Variants in PTPRT observed in about 807,000 individuals in gnomAD.
PTPRT encodes the protein protein tyrosine phosphatase receptor type T, also known as receptor-type tyrosine-protein phosphatase T.
Under a neutral mutation model 176.8 loss-of-function variants are expected in PTPRT, and 56 were observed. That is an observed-to-expected ratio of 0.32 (90% CI 0.26 to 0.40). The LOEUF (loss-of-function observed/expected upper bound fraction) is 0.40. PTPRT is among the 10% of genes least tolerant of loss of function. The probability of loss-of-function intolerance (pLI) is 1.00; values close to 1 mark genes in which losing one functional copy is unlikely to be tolerated. For synonymous variants in PTPRT, 783 were observed against 739.0 expected (o/e 1.06, Z -0.96); for missense variants, 1,540 against 1,908.2 (o/e 0.81, Z 3.60).
intron 5 of PTPRT, among the ~76,000 whole-genome samples, chr20:42,762,248 A>T (rs1156618847): frequency 6.6e-6 from 1 of 152,152 alleles, no homozygotes; most frequent in Non-Finnish European, 1.5e-5. Context: ...ACTCTTTCAG[A>T]CTAGAACAGT....
intron 2 of PTPRT, among the ~76,000 whole-genome samples, chr20:42,816,698 G>A (rs1016077276): frequency 5.3e-5 from 8 of 152,208 alleles, no homozygotes; most frequent in Non-Finnish European, 7.4e-5. Context: ...CTTCCCCCTC[G>A]CCTTCTGCCA....
intron 2 of PTPRT, among the ~76,000 whole-genome samples, chr20:42,879,760 CGTGT>C (rs1320637989): frequency 1.3e-5 from 2 of 149,702 alleles, no homozygotes; most frequent in Admixed American, 1.3e-4. Context: ...TGTGTGTGCG[CGTGT>C]GTGTGTGTGC....
At chr20:42,655,521 ATATT>A (rs1249239381) in intron 7 of PTPRT, among the ~76,000 whole-genome samples, 2 of 152,188 alleles carry the variant, frequency 1.3e-5, no homozygotes, top group African/African-American at 4.8e-5. Context: ...ACCAGATCTC[ATATT>A]TATACCTTGG....
At chr20:42,338,964 A>G (rs2058076526) in intron 11 of PTPRT, among the ~76,000 whole-genome samples, 1 of 152,204 alleles carries the variant, frequency 6.6e-6, no homozygotes, top group African/African-American at 2.4e-5. Flanking sequence ...AACATAATCA[A>G]AACTGGCCCG....
At chr20:42,898,812 G>A (rs2079348839) in intron 1 of PTPRT, among the ~76,000 whole-genome samples, 1 of 152,098 alleles carries the variant, frequency 6.6e-6, no homozygotes, top group Non-Finnish European at 1.5e-5. Flanking sequence ...TGCGATGAAA[G>A]AAGGAGGCCC....
chr20:43,052,786 T>C (rs1248577101), intron 1 of PTPRT, among the ~76,000 whole-genome samples: 1 of 152,196 alleles, frequency 6.6e-6, no homozygotes, highest in Non-Finnish European at 1.5e-5. Context: ...TTACTAAGCA[T>C]CCTTCAATCT....
intron 7 of PTPRT, among the ~76,000 whole-genome samples, chr20:42,540,015 T>C (rs564350802): frequency 1.3e-5 from 2 of 152,244 alleles, no homozygotes; most frequent in South Asian, 4.1e-4. Context: ...ATTCCCTAGA[T>C]GTGAAGAATG....
intron 2 of PTPRT, among the ~76,000 whole-genome samples, chr20:42,844,622 C>T (rs1044516137): frequency 1.3e-5 from 2 of 152,142 alleles, no homozygotes; most frequent in Admixed American, 1.3e-4. Flanking sequence ...GACCACTCCC[C>T]ATGACTTCCC....
chr20:42,391,077 G>T (rs770797302), intron 9 of PTPRT, among the ~76,000 whole-genome samples: 1 of 152,164 alleles, frequency 6.6e-6, no homozygotes, highest in Non-Finnish European at 1.5e-5. Context: ...TATGTAGTGG[G>T]GTGAGTTATT....
chr20:43,007,850 G>T (rs1984931010), intron 1 of PTPRT, among the ~76,000 whole-genome samples: 1 of 152,226 alleles, frequency 6.6e-6, no homozygotes, highest in Non-Finnish European at 1.5e-5. Context: ...TACCAGCTCT[G>T]TGACCTTGGC....
intron 7 of PTPRT, among the ~76,000 whole-genome samples, chr20:42,514,411 T>C (rs1179882931): frequency 6.6e-6 from 1 of 151,912 alleles, no homozygotes; most frequent in Non-Finnish European, 1.5e-5. Context: ...CTTTATAAAA[T>C]GCATTTTCTT....
At chr20:42,966,267 T>C (rs760474104) in intron 1 of PTPRT, 3 of 152,254 alleles carry the variant, frequency 2.0e-5, no homozygotes, top group Non-Finnish European at 2.9e-5. Flanking sequence ...CACTGGGTAT[T>C]ATACCATTTT....
At chr20:42,092,332 T>C (rs1984709228) in intron 27 of PTPRT, among the ~76,000 whole-genome samples, 7 of 152,202 alleles carry the variant, frequency 4.6e-5, no homozygotes, top group Admixed American at 4.6e-4. Context: ...CTCAGAATTC[T>C]CAGAAATGTT....
At chr20:42,495,187 C>G (rs1261095468) in intron 7 of PTPRT, among the ~76,000 whole-genome samples, 2 of 152,182 alleles carry the variant, frequency 1.3e-5, no homozygotes, top group Non-Finnish European at 2.9e-5. Context: ...GAGATGTGAG[C>G]TATCCAGACC....
intron 27 of PTPRT, among the ~76,000 whole-genome samples, chr20:42,089,583 T>G (rs1027040677): frequency 6.6e-6 from 1 of 152,236 alleles, no homozygotes; most frequent in Non-Finnish European, 1.5e-5. Flanking sequence ...CATTCGATTT[T>G]CTGGGTCACT....
chr20:42,452,948 C>A (rs866868787), intron 8 of PTPRT, among the ~76,000 whole-genome samples: 8 of 152,090 alleles, frequency 5.3e-5, no homozygotes, highest in African/African-American at 1.9e-4. Context: ...AAAACTTGCC[C>A]CAGTGATTTC....
chr20:42,936,437 G>A (rs1980198324), intron 1 of PTPRT, among the ~76,000 whole-genome samples: 1 of 152,164 alleles, frequency 6.6e-6, no homozygotes, highest in African/African-American at 2.4e-5. Context: ...AGGTGTCATG[G>A]GCATATCACG....
intron 1 of PTPRT, among the ~76,000 whole-genome samples, chr20:42,986,890 A>G (rs1983612853): frequency 6.6e-6 from 1 of 152,002 alleles, no homozygotes; most frequent in Non-Finnish European, 1.5e-5. Flanking sequence ...CTGGGGACAG[A>G]CTCTCCTCTG....
At chr20:42,346,909 T>G (rs1225928332) in intron 11 of PTPRT, among the ~76,000 whole-genome samples, 4 of 152,182 alleles carry the variant, frequency 2.6e-5, no homozygotes, top group African/African-American at 9.7e-5. Flanking sequence ...GGAGGACCCC[T>G]GAGAATTCCT....
Sources: allele counts gnomAD v4.1 joint callset (sites outside exome capture counted in the v4.1 genomes callset), GRCh38; gene constraint gnomAD v4.1.1; transcripts MANE v1.5; gene names NCBI Gene and HGNC (gene_info 2026-07-23, HGNC 2026-07-21).